Variants in TMEM145 observed in about 807,000 individuals in gnomAD.
TMEM145 encodes transmembrane protein 145.
Under a neutral mutation model 68.5 loss-of-function variants are expected in TMEM145, and 46 were observed. That is an observed-to-expected ratio of 0.67 (90% CI 0.53 to 0.86). TMEM145 has a LOEUF of 0.86. Ranked by LOEUF, TMEM145 falls within the 40% of genes least tolerant of loss-of-function variation. The pLI is 0.00. For synonymous variants in TMEM145, 255 were observed against 280.2 expected, an observed-to-expected ratio of 0.91 and a Z score of 0.90; for missense variants, 570 against 645.8, an observed-to-expected ratio of 0.88 and a Z score of 1.27.
chr19:42,320,507 C>T, intron 13 of TMEM145, 70 bp downstream of exon 13: 2 of 1,596,180 alleles, frequency 1.3e-6, no homozygotes. Flanking sequence ...GCTCCTACAC[C>T]TGATCTGCTG....
At position 42,317,779 on chromosome 19, in the gene TMEM145, T is replaced by A; in HGVS notation, c.971T>A (p.Val324Glu). Residue 324 changes from valine to glutamate, a missense_variant, in exon 12 of 15, where the codon GTG becomes GAG. By Grantham distance (121) the Val-to-Glu change is moderately radical. Transcript: ENST00000301204. ...GGCTACGGGCTCATTGGACTGCAGG[T>A]GGCGGCCTACGTGTGGTTCTGCTAT... ...PAGYGLIGLQ[V>E]AAYVWFCYAV... 3.7e-6 allele frequency: 6 copies of A among 1,614,174 alleles called. No homozygotes were observed. The highest frequency in any genetic ancestry group is 4.2e-6 in the Non-Finnish European group (5 of 1,180,022).
rs553589823 is a variant in TMEM145, at chr19:42,320,043, G to A, written c.1074-274G>A. Reference sequence around the variant, plus strand: ...CAAAGTGCTGGGATTATAGGCGTGAGCCACCGTGCCCGGGCTGTCTATTGA... The same window carrying A: ...CAAAGTGCTGGGATTATAGGCGTGAACCACCGTGCCCGGGCTGTCTATTGA... On this transcript the variant is annotated intron_variant, in intron 12 of 14. Transcript: ENST00000301204. Among the ~76,000 whole-genome samples, 22 of 152,348 alleles carry A rather than the reference G, an allele frequency of 1.4e-4. No homozygotes were observed. In the South Asian group the frequency reaches 4.3e-3, roughly 30 times the overall value.
chr19:42,322,993 G>A (rs755351064), intron 13 of TMEM145, among the ~76,000 whole-genome samples: 28 of 152,288 alleles, frequency 1.8e-4, no homozygotes, highest in East Asian at 3.9e-4. Context: ...GAGCCATGGC[G>A]CCTTGCCCAC....
In TMEM145 at chr19:42,317,780, G is replaced by T. The variant is rs2038873562; in HGVS notation, c.972G>T (p.Val324=). ...PAGYGLIGLQ[V]AAYVWFCYAV... is the part of the protein sequence containing the mutation. ...GCTACGGGCTCATTGGACTGCAGGT[G>T]GCGGCCTACGTGTGGTTCTGCTATG... is the stretch of plus-strand genomic sequence containing the variant. Residue 324 remains valine (V), a synonymous_variant, in exon 12 of 15, where the codon GTG becomes GTT. Transcript: ENST00000301204. 1 of 1,614,096 alleles carries T rather than the reference G, an allele frequency of 6.2e-7. No homozygotes were observed. The highest frequency in any genetic ancestry group is 1.1e-5 in the South Asian group (1 of 91,094).
chr19:42,324,436 G>A, intron 14 of TMEM145: 1 of 985,392 alleles, frequency 1.0e-6, no homozygotes, highest in African/African-American at 1.7e-5. Flanking sequence ...CGCCCTACCA[G>A]CCGCTCGTGC....
intron 1 of TMEM145, among the ~76,000 whole-genome samples, 191 bp from the exon 2 acceptor site, chr19:42,314,081 G>T (rs2038829612): frequency 6.6e-6 from 1 of 152,000 alleles, no homozygotes; most frequent in African/African-American, 2.4e-5. Context: ...GCAATGGAGG[G>T]AGAAAATCAG....
intron 5 of TMEM145, 47 bp from the exon 6 acceptor site, chr19:42,314,946 C>T (rs1453244025): frequency 9.3e-6 from 15 of 1,613,346 alleles, no homozygotes; most frequent in African/African-American, 1.3e-5. Context: ...TTCCTGCCAA[C>T]CCCCAACTTG....
At chr19:42,316,778 G>A in intron 10 of TMEM145, 38 bp downstream of exon 10, 2 of 1,611,670 alleles carry the variant, frequency 1.2e-6, no homozygotes, top group Non-Finnish European at 1.7e-6. Context: ...CGGCTGGTGG[G>A]GGAGCAGGGC....
chr19:42,323,838 G>A lies in TMEM145; in HGVS notation c.1401+49G>A, dbSNP rs988059556. On this transcript the variant is annotated intron_variant, in intron 14 of 14. Transcript: ENST00000301204. ...CGAGGAGCTGCTGGCGCCGCCCCTG[G>A]AGTACCTGACCCCGCTCCCGGCCCC... The A allele has an allele frequency of 6.4e-6, 10 of 1,567,872 alleles. No individual in the cohort carries two copies. The Admixed American group carries it at 1.0e-4, about 16-fold the overall frequency.
intron 8 of TMEM145, among the ~76,000 whole-genome samples, chr19:42,315,703 G>C (rs1005205249): frequency 1.3e-5 from 2 of 151,930 alleles, no homozygotes; most frequent in African/African-American, 2.4e-5. Flanking sequence ...GGAGGGGGTG[G>C]GACCTGACAC....
At position 42,316,887 on chromosome 19, in the gene TMEM145, C is replaced by T. The variant is rs192216403; in HGVS notation, c.824C>T (p.Ala275Val). The change falls in exon 11 of 15, where the codon GCG becomes GTG. Residue 275 changes from alanine (A) to valine (V), a missense_variant. Physicochemically the swap from Ala to Val is moderately conservative, Grantham distance 64 (BLOSUM62 0). Coordinates refer to ENST00000301204, the MANE Select transcript of TMEM145 (RefSeq NM_173633.3). ...FTVTRGRISH[A>V]GSVKLSVYMT... ...GCTGCCAGGGGCCGCATCAGCCACG[C>T]GGGCTCCGTGAAGTTGTCTGTCTAC... is the stretch of plus-strand genomic sequence containing the variant. The T allele has an allele frequency of 3.9e-5, 63 of 1,613,626 alleles. 1 individual carries two copies. The highest frequency in any genetic ancestry group is 3.3e-4 in the Middle Eastern group (2 of 6,040).
chr19:42,314,130 G>A, intron 1 of TMEM145, 142 bp from the exon 2 acceptor site: 2 of 814,494 alleles, frequency 2.5e-6, no homozygotes, highest in Non-Finnish European at 4.2e-6. Context: ...CGGGATCAGG[G>A]AAGGAGTTTG....
chr19:42,324,753 C>T lies in TMEM145; in HGVS notation c.1418C>T (p.Ala473Val). Reference protein sequence around the residue: ...PPATSPLPRAAPDSGLPLFRD... With the variant: ...PPATSPLPRAVPDSGLPLFRD... Reference sequence around the variant, plus strand: ...CTCCCTCAGCCCCTGCCCCGAGCGGCGCCGGATTCTGGGCTCCCGCTGTTC... The same window carrying T: ...CTCCCTCAGCCCCTGCCCCGAGCGGTGCCGGATTCTGGGCTCCCGCTGTTC... The change falls in exon 15 of 15, where the codon GCG (alanine) becomes GTG (valine). Residue 473 changes from alanine to valine, a missense_variant. Transcript: ENST00000301204. 1 of 1,554,286 alleles carries T rather than the reference C, an allele frequency of 6.4e-7. No individual in the cohort carries two copies. The highest frequency in any genetic ancestry group is 8.6e-7 in the Non-Finnish European group (1 of 1,158,940).
intron 3 of TMEM145, 31 bp from the exon 4 acceptor site, chr19:42,314,582 G>T (rs1372261629): frequency 1.2e-6 from 2 of 1,614,076 alleles, no homozygotes; most frequent in South Asian, 2.2e-5. Context: ...GTTGCTGGCC[G>T]GGGGAGTGAC....
chr19:42,314,329 C>T lies in TMEM145; in HGVS notation c.178C>T (p.Arg60Cys). 6.2e-7 allele frequency: 1 copy of T among 1,614,070 alleles called. No homozygotes were observed. Among genetic ancestry groups the T allele is most frequent in the Non-Finnish European group, 8.5e-7 (1 of 1,180,010 alleles). The change falls in exon 2 of 15, where the codon CGT becomes TGT. Residue 60 changes from arginine to cysteine, a missense_variant. Transcript: ENST00000301204. Reference protein sequence around the residue: ...FLSDYGRLDFRFRYPEAKCCQ... With the variant: ...FLSDYGRLDFCFRYPEAKCCQ... ...CTCGGATTACGGCCGACTGGACTTC[C>T]GTTTCCGCTACCCTGAGGTGAGTCT...
chr19:42,316,987 G>C (rs935572485), intron 11 of TMEM145, 24 bp downstream of exon 11: 1 of 1,603,988 alleles, frequency 6.2e-7, no homozygotes. Context: ...GCCCCTGGCC[G>C]GGCCCTGCCT....
intron 3 of TMEM145, 27 bp from the exon 4 acceptor site, chr19:42,314,586 G>T (rs754893484): frequency 1.4e-5 from 22 of 1,614,036 alleles, no homozygotes; most frequent in Non-Finnish European, 1.7e-5. Flanking sequence ...CTGGCCGGGG[G>T]AGTGACCCTG....
At position 42,324,747 on chromosome 19, in the gene TMEM145, G is replaced by A. The variant is rs763535160; in HGVS notation, c.1412G>A (p.Arg471Gln). 3.9e-6 allele frequency: 6 copies of A among 1,537,012 alleles called. No homozygotes were observed. Among genetic ancestry groups the A allele is most frequent in the Non-Finnish European group, 5.2e-6 (6 of 1,155,088 alleles). ...IPPPATSPLPRAAPDSGLPLF... is the reference protein window; with the variant it reads ...IPPPATSPLPQAAPDSGLPLF... ...CGTCCCCTCCCTCAGCCCCTGCCCC[G>A]AGCGGCGCCGGATTCTGGGCTCCCG... Residue 471 changes from arginine (R) to glutamine (Q), a missense_variant, in exon 15 of 15, where the codon CGA becomes CAA. Coordinates refer to ENST00000301204, the MANE Select transcript of TMEM145 (RefSeq NM_173633.3).
Position 42,314,283 on chromosome 19 carries a change from C to T in TMEM145, c.132C>T (p.Phe44=). ...GGCCCCTTTTTCAGGACTGGGTGTT[C>T]CTGACAAGATTTTGTTTCCTCTCGG... ...GNLSSKEDWV[F]LTRFCFLSDY... Residue 44 remains phenylalanine (F), a synonymous_variant, in exon 2 of 15, where the codon TTC becomes TTT. Transcript: ENST00000301204. 2 of 1,613,888 alleles carry T rather than the reference C, an allele frequency of 1.2e-6. No homozygotes were observed. Among genetic ancestry groups the T allele is most frequent in the Non-Finnish European group, 1.7e-6 (2 of 1,179,960 alleles).
Sources: gnomAD v4.1 joint callset for allele counts (sites outside exome capture counted in the v4.1 genomes callset) on GRCh38, gnomAD v4.1.1 for gene constraint, MANE v1.5 for transcripts, NCBI Gene and HGNC (gene_info 2026-07-23, HGNC 2026-07-21) for gene names.